The following KDM4C variants were observed in gnomAD, a reference collection of about 807,000 sequenced individuals.
The protein encoded by KDM4C is lysine-specific demethylase 4C.
In KDM4C, 81 loss-of-function variants were observed where a neutral mutation model predicts 129.3. The observed-to-expected ratio is 0.63, with a 90% CI of 0.52 to 0.75. The LOEUF (loss-of-function observed/expected upper bound fraction) is 0.75. Among genes scored for constraint, KDM4C ranks in the 30% least tolerant of loss-of-function variants. The pLI is 0.00. For missense variants in KDM4C, 1,457 were observed against 1,304.0 expected (o/e 1.12, Z -1.81); for synonymous variants, 573 against 456.1 (o/e 1.26, Z -3.26).
At chr9:6,814,242 T>A (rs1831672442) in intron 3 of KDM4C, among the ~76,000 whole-genome samples, 1 of 152,176 alleles carries the variant, frequency 6.6e-6, no homozygotes. Context: ...GGATTTTTAG[T>A]GAGATTATTG....
intron 19 of KDM4C, among the ~76,000 whole-genome samples, chr9:7,141,829 T>C (rs1158405626): frequency 1.3e-5 from 2 of 152,006 alleles, no homozygotes; most frequent in Non-Finnish European, 2.9e-5. Context: ...TTACATAGAA[T>C]GTAAGGGATG....
At chr9:6,927,130 T>TCTAC (rs997318672) in intron 8 of KDM4C, among the ~76,000 whole-genome samples, 2 of 151,426 alleles carry the variant, frequency 1.3e-5, no homozygotes, top group African/African-American at 4.9e-5. Context: ...TATCTATCTA[T>TCTAC]CTATCTATCT....
rs576076242 is a variant in KDM4C at position 6,913,647 on chromosome 9, C to T, written c.921+20415C>T. Among the ~76,000 whole-genome samples, 9 of 152,348 alleles carry T rather than the reference C, an allele frequency of 5.9e-5. No homozygotes were observed. In the East Asian group the frequency reaches 1.7e-3, roughly 29 times the overall value. ...AGCCCAAGGGGAGTCATTTCAGTGA[C>T]AGCCAACCTGGCTGCCTTTCCTTCC... On this transcript the variant is annotated intron_variant, in intron 8 of 21. Transcript: ENST00000381309.
intron 8 of KDM4C, among the ~76,000 whole-genome samples, chr9:6,976,922 C>G (rs778144800): frequency 7.2e-5 from 11 of 151,922 alleles, no homozygotes; most frequent in Non-Finnish European, 1.5e-4. Flanking sequence ...CAGCATAGGT[C>G]TAGAGATATG....
At chr9:7,038,717 G>A (rs1442551371) in intron 15 of KDM4C, among the ~76,000 whole-genome samples, 1 of 151,954 alleles carries the variant, frequency 6.6e-6, no homozygotes, top group Non-Finnish European at 1.5e-5. Context: ...TTATTTCTGT[G>A]CATTTAAATT....
intron 3 of KDM4C, among the ~76,000 whole-genome samples, chr9:6,809,834 C>T (rs150454398): frequency 2.3e-3 from 345 of 152,094 alleles, no homozygotes; most frequent in Middle Eastern, 0.01. Flanking sequence ...CCAGTCTCTA[C>T]AATAAATACA....
At chr9:7,007,561 T>C (rs1821903132) in intron 12 of KDM4C, among the ~76,000 whole-genome samples, 1 of 152,338 alleles carries the variant, frequency 6.6e-6, no homozygotes, top group Non-Finnish European at 1.5e-5. Flanking sequence ...GGCTTTAAGA[T>C]TGAAGCCTAC....
At chr9:6,842,725 G>T (rs1202966586) in intron 4 of KDM4C, among the ~76,000 whole-genome samples, 1 of 152,124 alleles carries the variant, frequency 6.6e-6, no homozygotes, top group African/African-American at 2.4e-5. Flanking sequence ...AGCATTCCCA[G>T]TGACTGAGTA....
intron 19 of KDM4C, among the ~76,000 whole-genome samples, chr9:7,132,917 T>C (rs1178981447): frequency 6.6e-6 from 1 of 152,200 alleles, no homozygotes; most frequent in Non-Finnish European, 1.5e-5. Context: ...AGTCCATCAC[T>C]GAAATTTCCA....
rs1186438155 is a variant in KDM4C at position 6,939,976 on chromosome 9, ACCTTCCTTCCTT to A, written c.922-40903_922-40892del. ...CAATAACCAACCTACCTACCTACCT[ACCTTCCTTCCTT>A]CCTTCCTTCCTTCCTTCCTTCCTTC... On this transcript the variant is annotated intron_variant, in intron 8 of 21. Transcript: ENST00000381309. 5.2e-3 allele frequency among the ~76,000 whole-genome samples: 486 copies of A among 93,504 alleles called. 2 individuals carry two copies. Among genetic ancestry groups the A allele is most frequent in the African/African-American group, 0.011 (261 of 24,188 alleles). The allele number at this position is 93,504 out of a possible 152,430, so 61.3% of individuals were successfully genotyped here.
chr9:6,858,432 ACCAGAATGTTTACCCAACTT>A (rs1434770386), intron 5 of KDM4C, among the ~76,000 whole-genome samples: 1 of 152,114 alleles, frequency 6.6e-6, no homozygotes, highest in East Asian at 1.9e-4. Context: ...CTAGGGAAAA[ACCAGAATGTTTACCCAACTT>A]TCTTTATTGT....
At chr9:6,807,840 G>A (rs1372154921) in intron 3 of KDM4C, among the ~76,000 whole-genome samples, 2 of 148,486 alleles carry the variant, frequency 1.3e-5, no homozygotes, top group African/African-American at 2.5e-5. Flanking sequence ...CCGGGAGGGA[G>A]GTTGGGGGTC....
intron 7 of KDM4C, among the ~76,000 whole-genome samples, chr9:6,889,469 C>T (rs377196063): frequency 2.1e-4 from 32 of 151,906 alleles, no homozygotes; most frequent in East Asian, 1.7e-3. Context: ...GGGCTGCCTG[C>T]GGGTGTAGGG....
At chr9:6,869,698 C>T (rs1842570046) in intron 5 of KDM4C, among the ~76,000 whole-genome samples, 1 of 152,208 alleles carries the variant, frequency 6.6e-6, no homozygotes, top group South Asian at 2.1e-4. Flanking sequence ...TGCATGTGGG[C>T]CGCCATTCCC....
intron 19 of KDM4C, among the ~76,000 whole-genome samples, chr9:7,163,373 C>T (rs761311633): frequency 1.1e-4 from 17 of 152,218 alleles, no homozygotes; most frequent in Admixed American, 5.2e-4. Flanking sequence ...CTGCAGAGCA[C>T]CATGGCACAT....
At chr9:6,942,185 T>G (rs897010712) in intron 8 of KDM4C, among the ~76,000 whole-genome samples, 1 of 152,106 alleles carries the variant, frequency 6.6e-6, no homozygotes, top group Non-Finnish European at 1.5e-5. Context: ...TTCTTGTAAT[T>G]TATTAAACTT....
At chr9:7,157,470 T>G (rs926294699) in intron 19 of KDM4C, among the ~76,000 whole-genome samples, 2 of 152,210 alleles carry the variant, frequency 1.3e-5, no homozygotes, top group Admixed American at 6.5e-5. Context: ...TGTCCATTCA[T>G]TATGATATTG....
intron 1 of KDM4C, among the ~76,000 whole-genome samples, chr9:6,777,975 C>T (rs528833281): frequency 4.0e-5 from 6 of 150,904 alleles, no homozygotes; most frequent in African/African-American, 1.2e-4. Context: ...GCCTGGAGTG[C>T]AGTGGCAAAA....
At chr9:6,801,662 TATATGC>T (rs1441497754) in intron 2 of KDM4C, among the ~76,000 whole-genome samples, 1 of 152,100 alleles carries the variant, frequency 6.6e-6, no homozygotes, top group Non-Finnish European at 1.5e-5. Context: ...TCTCTCTCTG[TATATGC>T]CTCCATATAC....
Sources: allele counts gnomAD v4.1 joint callset (sites outside exome capture counted in the v4.1 genomes callset), GRCh38; gene constraint gnomAD v4.1.1; transcripts MANE v1.5; gene names NCBI Gene and HGNC (gene_info 2026-07-23, HGNC 2026-07-21).